CCDC178: variants seen among roughly 807,000 people sequenced by gnomAD.
CCDC178 encodes the protein coiled-coil domain-containing protein 178.
In CCDC178, 126 loss-of-function variants were observed where a neutral mutation model predicts 117.4. That is an observed-to-expected ratio of 1.07 (90% CI 0.93 to 1.24). The LOEUF is 1.24. Among genes scored for constraint, CCDC178 ranks in the 50% most tolerant of loss-of-function variants. CCDC178 has a pLI of 0.00. For synonymous variants in CCDC178, 283 were observed against 313.4 expected (o/e 0.90, Z 1.02); for missense variants, 1,030 against 986.9 (o/e 1.04, Z -0.59).
intron 14 of CCDC178, among the ~76,000 whole-genome samples, chr18:33,250,538 A>G (rs2059608981): frequency 6.6e-6 from 1 of 151,756 alleles, no homozygotes; most frequent in South Asian, 2.1e-4. Context: ...ATCATGAATA[A>G]GAAACAAGGT....
At chr18:33,081,874 G>A (rs1276684856) in intron 21 of CCDC178, among the ~76,000 whole-genome samples, 1 of 152,130 alleles carries the variant, frequency 6.6e-6, no homozygotes, top group African/African-American at 2.4e-5. Flanking sequence ...GTACAAGGTT[G>A]TAAAAAAGAA....
At chr18:33,148,344 G>A (rs1178263278) in intron 20 of CCDC178, among the ~76,000 whole-genome samples, 3 of 152,278 alleles carry the variant, frequency 2.0e-5, no homozygotes, top group African/African-American at 4.8e-5. Flanking sequence ...GAATCAGGCA[G>A]GGAGGTTGCA....
chr18:33,015,211 ATGCCAC>A (rs1427572349), intron 21 of CCDC178, among the ~76,000 whole-genome samples: 7 of 150,748 alleles, frequency 4.6e-5, no homozygotes, highest in African/African-American at 1.7e-4. Context: ...AGCCAAGATC[ATGCCAC>A]TGCACTCCAG....
At chr18:32,950,902 C>T (rs935606641) in intron 22 of CCDC178, among the ~76,000 whole-genome samples, 1 of 152,102 alleles carries the variant, frequency 6.6e-6, no homozygotes, top group African/African-American at 2.4e-5. Context: ...AGCTGAATAC[C>T]TTCCCCATAA....
intron 2 of CCDC178, among the ~76,000 whole-genome samples, chr18:33,418,083 C>G (rs374091587): frequency 3.9e-4 from 59 of 152,188 alleles, no homozygotes; most frequent in African/African-American, 1.4e-3. Flanking sequence ...AACATAGATG[C>G]AAAAATTCTC....
intron 20 of CCDC178, among the ~76,000 whole-genome samples, chr18:33,190,083 A>G (rs2058839986): frequency 6.6e-6 from 1 of 152,132 alleles, no homozygotes. Flanking sequence ...GCTGACACCT[A>G]GAAGCAGTAG....
chr18:33,156,443 G>GA (rs562156851), intron 20 of CCDC178, among the ~76,000 whole-genome samples: 190 of 144,184 alleles, frequency 1.3e-3, no homozygotes, highest in Non-Finnish European at 1.4e-3. Flanking sequence ...ACCCATAAAG[G>GA]AAAAAAAAAA....
chr18:33,089,848 CTA>C (rs2057436112), intron 21 of CCDC178, among the ~76,000 whole-genome samples: 1 of 152,064 alleles, frequency 6.6e-6, no homozygotes, highest in African/African-American at 2.4e-5. Context: ...ACAAAAATGT[CTA>C]TATTCACACG....
chr18:33,255,699 A>G (rs545338290), intron 14 of CCDC178, among the ~76,000 whole-genome samples: 1 of 151,992 alleles, frequency 6.6e-6, no homozygotes, highest in Admixed American at 6.6e-5. Context: ...GAGATTAAAG[A>G]GTCAAAAAAT....
intron 20 of CCDC178, among the ~76,000 whole-genome samples, chr18:33,186,703 G>C (rs954514988): frequency 2.0e-5 from 3 of 151,960 alleles, no homozygotes; most frequent in Non-Finnish European, 4.4e-5. Context: ...ATTGCCCAGA[G>C]ACCAAGATTT....
At chr18:33,389,022 A>G (rs1167281317) in intron 5 of CCDC178, among the ~76,000 whole-genome samples, 1 of 152,106 alleles carries the variant, frequency 6.6e-6, no homozygotes, top group Non-Finnish European at 1.5e-5. Flanking sequence ...CTTAGGGAAA[A>G]GAGCTAATGC....
chr18:33,352,995 G>A (rs1399910404), intron 7 of CCDC178, among the ~76,000 whole-genome samples: 1 of 151,940 alleles, frequency 6.6e-6, no homozygotes, highest in East Asian at 1.9e-4. Flanking sequence ...TCCATTATTG[G>A]AAGTGGGGGC....
At chr18:33,344,881 CTAT>C (rs71159822) in intron 9 of CCDC178, among the ~76,000 whole-genome samples, 40,859 of 149,148 alleles carry the variant, frequency 0.27, 5,944 homozygotes, top group East Asian at 0.48. Flanking sequence ...TATAAATCTA[CTAT>C]ATTAGTGGAG....
chr18:33,107,247 A>G (rs895980654), intron 20 of CCDC178, among the ~76,000 whole-genome samples: 15 of 151,746 alleles, frequency 9.9e-5, no homozygotes, highest in Admixed American at 3.3e-4. Context: ...AATTAATAAG[A>G]TATTATAGAG....
chr18:33,429,368 G>C (rs1568221308), intron 2 of CCDC178, among the ~76,000 whole-genome samples: 1 of 151,854 alleles, frequency 6.6e-6, no homozygotes. Flanking sequence ...GGGGGAGAGA[G>C]AGACAGACAG....
At chr18:33,103,553 C>T (rs1273563277) in intron 20 of CCDC178, among the ~76,000 whole-genome samples, 2 of 150,380 alleles carry the variant, frequency 1.3e-5, no homozygotes, top group African/African-American at 2.4e-5. Flanking sequence ...AGCCAATCAA[C>T]AGTCACTTCA....
intron 12 of CCDC178, among the ~76,000 whole-genome samples, chr18:33,274,031 T>G (rs568113703): frequency 6.6e-6 from 1 of 151,674 alleles, no homozygotes; most frequent in Non-Finnish European, 1.5e-5. Context: ...GAAAGAATAC[T>G]TACAACTCAA....
intron 10 of CCDC178, among the ~76,000 whole-genome samples, chr18:33,326,803 C>G (rs2062590813): frequency 6.6e-6 from 1 of 151,776 alleles, no homozygotes; most frequent in African/African-American, 2.4e-5. Context: ...AGGCAGCCTT[C>G]TCTCTCATTC....
intron 20 of CCDC178, among the ~76,000 whole-genome samples, chr18:33,183,143 C>T (rs945015937): frequency 5.9e-4 from 90 of 151,998 alleles, no homozygotes; most frequent in African/African-American, 2.1e-3. Flanking sequence ...AATATTGTTT[C>T]AGGGGCTCTT....
Sources: gnomAD v4.1 joint callset for allele counts (sites outside exome capture counted in the v4.1 genomes callset) on GRCh38, gnomAD v4.1.1 for gene constraint, MANE v1.5 for transcripts, NCBI Gene and HGNC (gene_info 2026-07-23, HGNC 2026-07-21) for gene names.